Variants in SIL1 observed in about 807,000 individuals in gnomAD.
The protein encoded by SIL1 is nucleotide exchange factor SIL1.
Under a neutral mutation model 49.1 loss-of-function variants are expected in SIL1, and 40 were observed. That is an observed-to-expected ratio of 0.81 (90% CI 0.63 to 1.06). The LOEUF (loss-of-function observed/expected upper bound fraction) is 1.06, where lower values mean the gene tolerates loss of function less well. Ranked by LOEUF, SIL1 falls within the 50% of genes least tolerant of loss-of-function variation. The probability of loss-of-function intolerance (pLI) is 0.00; values close to 1 mark genes in which losing one functional copy is unlikely to be tolerated. For missense variants in SIL1, 500 were observed against 572.6 expected (o/e 0.87, Z 1.29); for synonymous variants, 253 against 250.8 (o/e 1.01, Z -0.08).
intron 3 of SIL1, among the ~76,000 whole-genome samples, chr5:139,060,757 A>G (rs977994837): frequency 5.9e-5 from 9 of 152,302 alleles, no homozygotes; most frequent in African/African-American, 1.2e-4. Context: ...ACACAGTTCA[A>G]TGTGACAGTA....
intron 3 of SIL1, among the ~76,000 whole-genome samples, chr5:139,105,739 G>A (rs907996289): frequency 2.0e-5 from 3 of 152,156 alleles, no homozygotes; most frequent in South Asian, 2.1e-4. Context: ...ACGCTCCAAC[G>A]GCCGCCTCCT....
intron 4 of SIL1, among the ~76,000 whole-genome samples, chr5:139,045,348 A>AAAAC (rs910986856): frequency 3.3e-4 from 50 of 152,064 alleles, no homozygotes; most frequent in Admixed American, 3.1e-3. Context: ...ACCCTGTCTC[A>AAAAC]AAACAAACAA....
chr5:139,047,682 A>T (rs908084171), intron 4 of SIL1, among the ~76,000 whole-genome samples: 5 of 152,254 alleles, frequency 3.3e-5, no homozygotes, highest in African/African-American at 9.6e-5. Context: ...GGCCAGGAAG[A>T]CACCATGAAA....
chr5:139,135,496 C>T (rs554808547), intron 1 of SIL1, among the ~76,000 whole-genome samples: 135 of 152,214 alleles, frequency 8.9e-4, no homozygotes, highest in Middle Eastern at 3.4e-3. Context: ...GTTAGCCCTG[C>T]CAGAGGGCAC....
At position 138,947,324 on chromosome 5, in the gene SIL1, G is replaced by A. The variant is rs1383477987; in HGVS notation, c.1179C>T (p.Ala393=). Residue 393 remains alanine (A), a synonymous_variant, in exon 10 of 10, where the codon GCC becomes GCT. Transcript: ENST00000394817. The surrounding 1 kb of genome is among the most constrained non-coding windows in gnomAD (Gnocchi z 4.1). ...CCAGTGTCTGCAGCACCTTCTCACGGGCATCATGCTCGGGCAGCGCCAGGA... is the reference window on the plus strand; with the variant it reads ...CCAGTGTCTGCAGCACCTTCTCACGAGCATCATGCTCGGGCAGCGCCAGGA... ...AHLLALPEHD[A]REKVLQTLGV... The A allele has an allele frequency of 6.2e-7, 1 of 1,613,600 alleles. No individual in the cohort carries two copies. Among genetic ancestry groups the A allele is most frequent in the Admixed American group, 1.7e-5 (1 of 60,028 alleles).
In SIL1 at chr5:138,947,550, T is replaced by C; in HGVS notation, c.1030-77A>G. Reference sequence around the variant, plus strand: ...ACACAGGGAGCAGTTAGCTCACACCTGGCTAGCTCTGCCCTTCAGACAGGA... The same window carrying C: ...ACACAGGGAGCAGTTAGCTCACACCCGGCTAGCTCTGCCCTTCAGACAGGA... On this transcript the variant is annotated intron_variant, in intron 9 of 9. Transcript: ENST00000394817. This position sits in a 1 kb window ranked among gnomAD's most constrained non-coding sequence, Gnocchi z 4.1. 7.8e-7 allele frequency: 1 copy of C among 1,289,098 alleles called. No homozygotes were observed. 79.9% of individuals were successfully genotyped at this position (1,289,098 alleles called of 1,614,324 possible).
chr5:139,098,834 T>TTTTTTTTA (rs70982745), intron 3 of SIL1, among the ~76,000 whole-genome samples: 1 of 129,018 alleles, frequency 7.8e-6, no homozygotes, highest in African/African-American at 3.3e-5. Context: ...TTTTTTTTTT[T>TTTTTTTTA]GAGAGGGAGT....
In SIL1 at chr5:139,127,754, G is replaced by T; in HGVS notation, c.90C>A (p.Leu30=). ...LLMAACFTFC[L]SHQNLKEFAL... ...AGATATTTACCAGGTTCTGATGACT[G>T]AGGCAGAAGGTGAAGCAGGCGGCCA... The change falls in exon 2 of 10, where the codon CTC becomes CTA. Residue 30 remains leucine (L), a synonymous_variant. Transcript: ENST00000394817. 1 of 1,610,490 alleles carries T rather than the reference G, an allele frequency of 6.2e-7. No homozygotes were observed. The highest frequency in any genetic ancestry group is 1.1e-5 in the South Asian group (1 of 90,582).
At chr5:139,029,138 AAC>A (rs1341198575) in intron 5 of SIL1, among the ~76,000 whole-genome samples, 1 of 152,168 alleles carries the variant, frequency 6.6e-6, no homozygotes, top group Non-Finnish European at 1.5e-5. Context: ...TATTTTTTTA[AAC>A]AGAGAACTGG....
chr5:139,083,060 C>T (rs1459083202), intron 3 of SIL1, among the ~76,000 whole-genome samples: 1 of 152,148 alleles, frequency 6.6e-6, no homozygotes, highest in East Asian at 1.9e-4. Flanking sequence ...CCAACTGCTC[C>T]TGATTTAGGA....
In SIL1 at chr5:139,143,306, T is replaced by C. The variant is rs200897803; in HGVS notation, c.-10-15453A>G. ...ATATACACATGTGTATATACATATA[T>C]ACACACACACACACACACACACACA... On this transcript the variant is annotated intron_variant, in intron 1 of 9. Transcript: ENST00000394817. Among the ~76,000 whole-genome samples, 808 of 123,722 alleles carry C rather than the reference T, an allele frequency of 6.5e-3. 6 individuals carry two copies. Among genetic ancestry groups the C allele is most frequent in the East Asian group, 0.018 (81 of 4,400 alleles). 81.2% of individuals were successfully genotyped at this position (123,722 alleles called of 152,430 possible).
At chr5:138,958,340 G>A (rs1766945160) in intron 7 of SIL1, among the ~76,000 whole-genome samples, 1 of 152,190 alleles carries the variant, frequency 6.6e-6, no homozygotes, top group African/African-American at 2.4e-5. Flanking sequence ...ACATAGGAGG[G>A]CAAGTGATGT....
chr5:139,003,207 A>T (rs886799036), intron 7 of SIL1, among the ~76,000 whole-genome samples: 1 of 152,100 alleles, frequency 6.6e-6, no homozygotes, highest in Non-Finnish European at 1.5e-5. Context: ...GATGAGCTGA[A>T]GAAGGGACTC....
At position 138,952,871 on chromosome 5, in the gene SIL1, C is replaced by T. The variant is rs77842554; in HGVS notation, c.768-987G>A. On this transcript the variant is annotated intron_variant, in intron 7 of 9. Coordinates refer to ENST00000394817, the MANE Select transcript of SIL1 (RefSeq NM_022464.5). ...CCCTCACAGGATGCCCTTTTGCAGGCTCCTTGCTTTTCAAGATTGCATTAG... is the reference window on the plus strand; with the variant it reads ...CCCTCACAGGATGCCCTTTTGCAGGTTCCTTGCTTTTCAAGATTGCATTAG... Among the ~76,000 whole-genome samples the T allele has an allele frequency of 5.9e-4, 90 of 152,388 alleles. No individual in the cohort carries two copies. The East Asian group carries it at 0.015, about 26-fold the overall frequency.
At chr5:139,051,394 ATAAC>A (rs1769280833) in intron 3 of SIL1, among the ~76,000 whole-genome samples, 1 of 152,176 alleles carries the variant, frequency 6.6e-6, no homozygotes, top group African/African-American at 2.4e-5. Flanking sequence ...TAAGTGGTAG[ATAAC>A]TACTCATTCC....
intron 7 of SIL1, among the ~76,000 whole-genome samples, chr5:139,014,918 T>G (rs932213489): frequency 4.6e-5 from 7 of 152,200 alleles, no homozygotes; most frequent in Admixed American, 1.3e-4. Flanking sequence ...ATCTCCAGTG[T>G]GTGACCTCAT....
At chr5:138,964,283 C>G (rs922338984) in intron 7 of SIL1, among the ~76,000 whole-genome samples, 1 of 152,148 alleles carries the variant, frequency 6.6e-6, no homozygotes, top group African/African-American at 2.4e-5. Context: ...GAGCAAAGAA[C>G]GAACATAGTT....
chr5:139,134,297 T>G (rs1750927389), intron 1 of SIL1, among the ~76,000 whole-genome samples: 1 of 152,108 alleles, frequency 6.6e-6, no homozygotes, highest in African/African-American at 2.4e-5. Flanking sequence ...ATACCTGGCT[T>G]TTTAAAATTT....
intron 7 of SIL1, among the ~76,000 whole-genome samples, chr5:138,990,019 G>A (rs1038661563): frequency 1.3e-5 from 2 of 152,138 alleles, no homozygotes; most frequent in Non-Finnish European, 2.9e-5. Context: ...GCATGCGTGC[G>A]ACAGGAATTT....
Sources: allele counts gnomAD v4.1 joint callset (sites outside exome capture counted in the v4.1 genomes callset), GRCh38; gene constraint gnomAD v4.1.1; non-coding constraint Gnocchi (gnomAD v3.1); transcripts MANE v1.5; gene names NCBI Gene and HGNC (gene_info 2026-07-23, HGNC 2026-07-21).